Variants in IFITM1 observed in about 807,000 individuals in gnomAD.
IFITM1 encodes the protein interferon induced transmembrane protein 1, also known as interferon-induced transmembrane protein 1.
A neutral mutation model predicts 4.0 loss-of-function variants in IFITM1; 1 was observed. The ratio of observed to expected loss-of-function variants is 0.25; its 90% confidence interval spans 0.09 to 1.18. The LOEUF is 1.18. IFITM1 is among the 50% of genes most tolerant of loss of function. IFITM1 has a pLI of 0.50. For synonymous variants in IFITM1, 79 were observed against 69.7 expected (o/e 1.13, Z -0.67); for missense variants, 131 against 163.2 (o/e 0.80, Z 1.08).
At position 315,035 on chromosome 11, in the gene IFITM1, C is replaced by T; in HGVS notation, c.300C>T (p.Phe100=). ...TGGGCATCCTCATGACCATTGGATTCATCCTGTTACTGGTATTCGGCTCTG... is the reference window on the plus strand; with the variant it reads ...TGGGCATCCTCATGACCATTGGATTTATCCTGTTACTGGTATTCGGCTCTG... ...LILGILMTIG[F]ILLLVFGSVT... Residue 100 remains phenylalanine (F), a synonymous_variant, in exon 2 of 2, where the codon TTC becomes TTT. Transcript: ENST00000408968. The T allele has an allele frequency of 6.2e-7, 1 of 1,614,190 alleles. No individual in the cohort carries two copies. Among genetic ancestry groups the T allele is most frequent in the South Asian group, 1.1e-5 (1 of 91,086 alleles).
chr11:314,244 TCAA>T lies in IFITM1; in HGVS notation c.77_79del (p.Asn26del). 6.2e-7 allele frequency: 1 copy of T among 1,613,942 alleles called. No homozygotes were observed. The highest frequency in any genetic ancestry group is 8.5e-7 in the Non-Finnish European group (1 of 1,179,892). The stretch of plus-strand genomic sequence containing the variant: ...ACCATCCTTCCAAGGTCCACCGTGA[TCAA>T]CATCCACAGCGAGACCTCCGTGCCC... On this transcript the variant is annotated inframe_deletion, in exon 1 of 2. Coordinates refer to ENST00000408968, the MANE Select transcript of IFITM1 (RefSeq NM_003641.5). The surrounding 1 kb of genome is among the most constrained non-coding windows in gnomAD (Gnocchi z 4.5).
chr11:315,139 G>A lies in IFITM1; in HGVS notation c.*26G>A. ...TAGCCGCCCATAGCCTGCAACCTTTGCACTCCACTGTGCAATGCTGGCCCT... is the reference window on the plus strand; with the variant it reads ...TAGCCGCCCATAGCCTGCAACCTTTACACTCCACTGTGCAATGCTGGCCCT... On this transcript the variant is annotated 3_prime_UTR_variant, in exon 2 of 2. Transcript: ENST00000408968. 1.9e-6 allele frequency: 3 copies of A among 1,610,382 alleles called. No individual in the cohort carries two copies. The highest frequency in any genetic ancestry group is 2.5e-6 in the Non-Finnish European group (3 of 1,177,352).
rs9667990 is a variant in IFITM1, at chr11:314,207, C to G, written c.37C>G (p.Pro13Ala). ...KEEHEVAVLG[P>A]PPSTILPRST... ...GGAACATGAGGTGGCTGTGCTGGGG[C>G]CACCCCCCAGCACCATCCTTCCAAG... Residue 13 changes from proline (P) to alanine (A), a missense_variant, in exon 1 of 2, where the codon CCA (proline) becomes GCA (alanine). Transcript: ENST00000408968. This position sits in a 1 kb window ranked among gnomAD's most constrained non-coding sequence, Gnocchi z 4.5. 1,613,886 of 1,613,918 alleles carry G rather than the reference C, an allele frequency of 1. 806,927 individuals carry two copies. Among genetic ancestry groups the G allele is most frequent in the East Asian group, 1 (44,842 of 44,842 alleles).
In IFITM1 at chr11:314,895, G is replaced by A; in HGVS notation, c.187-27G>A. The stretch of plus-strand genomic sequence containing the variant: ...CGCGGCTCTCAGCTGGGGGATCCTG[G>A]TCCCCTCACCATCTCCTCTCCCCCA... On this transcript the variant is annotated intron_variant, in intron 1 of 1. Transcript: ENST00000408968. The surrounding 1 kb of genome is among the most constrained non-coding windows in gnomAD (Gnocchi z 4.5). 6.2e-7 allele frequency: 1 copy of A among 1,609,138 alleles called. No homozygotes were observed. The highest frequency in any genetic ancestry group is 8.5e-7 in the Non-Finnish European group (1 of 1,177,868).
chr11:314,064 C>T lies in IFITM1; in HGVS notation c.-107C>T, dbSNP rs564887157. On this transcript the variant is annotated 5_prime_UTR_variant, in exon 1 of 2. Coordinates refer to ENST00000408968, the MANE Select transcript of IFITM1 (RefSeq NM_003641.5). This position sits in a 1 kb window ranked among gnomAD's most constrained non-coding sequence, Gnocchi z 4.5. Reference sequence around the variant, plus strand: ...TGAAACGACAGGGGAAAGGAGGTCTCACTGAGCACCGTCCCAGCATCCGGA... The same window carrying T: ...TGAAACGACAGGGGAAAGGAGGTCTTACTGAGCACCGTCCCAGCATCCGGA... 50 of 891,024 alleles carry T rather than the reference C, an allele frequency of 5.6e-5. No individual in the cohort carries two copies. In the South Asian group the frequency reaches 6.6e-4, roughly 12 times the overall value. 55.2% of individuals were successfully genotyped at this position (891,024 alleles called of 1,614,324 possible).
Position 314,521 on chromosome 11 carries a change from G to A in IFITM1, c.186+165G>A, listed in dbSNP as rs1449638375. On this transcript the variant is annotated intron_variant, in intron 1 of 1. Transcript: ENST00000408968. The surrounding 1 kb of genome is among the most constrained non-coding windows in gnomAD (Gnocchi z 4.5). ...CAGTAGCTTTGTCTGTGTGATCTGT[G>A]TGTGTGTGTGGCTTTGGGGAATCTG... The A allele has an allele frequency of 1.1e-6, 1 of 903,146 alleles. No individual in the cohort carries two copies. The highest frequency in any genetic ancestry group is 1.8e-6 in the Non-Finnish European group (1 of 549,228). The allele number at this position is 903,146 out of a possible 1,614,324, so 55.9% of individuals were successfully genotyped here. A position where few individuals can be genotyped will look rare whatever the true frequency, so the allele number is the denominator to read the frequency against.
chr11:314,265 C>T lies in IFITM1; in HGVS notation c.95C>T (p.Ser32Phe), dbSNP rs774010868. The T allele has an allele frequency of 5.0e-6, 8 of 1,613,890 alleles. No individual in the cohort carries two copies. The African/African-American group carries it at 5.3e-5, about 11-fold the overall frequency. ...STVINIHSET[S>F]VPDHVVWSLF... ...GTGATCAACATCCACAGCGAGACCT[C>T]CGTGCCCGACCATGTCGTCTGGTCC... Residue 32 changes from serine to phenylalanine, a missense_variant, in exon 1 of 2, where the codon TCC (serine) becomes TTC (phenylalanine). This residue lies in a region of IFITM1 where 77 missense variants were observed against 80.1 expected (regional missense o/e 0.96). Coordinates refer to ENST00000408968, the MANE Select transcript of IFITM1 (RefSeq NM_003641.5). This position sits in a 1 kb window ranked among gnomAD's most constrained non-coding sequence, Gnocchi z 4.5.
Position 314,325 on chromosome 11 carries a change from T to C in IFITM1, c.155T>C (p.Leu52Pro), listed in dbSNP as rs746778915. Residue 52 changes from leucine (L) to proline (P), a missense_variant, in exon 1 of 2, where the codon CTG becomes CCG. By Grantham distance (98) the Leu-to-Pro change is moderately conservative. Around this residue, in one of 3 missense-constraint regions of IFITM1, gnomAD observed 77 missense variants for 80.1 expected, o/e 0.96. Coordinates refer to ENST00000408968, the MANE Select transcript of IFITM1 (RefSeq NM_003641.5). This position sits in a 1 kb window ranked among gnomAD's most constrained non-coding sequence, Gnocchi z 4.5. Reference sequence around the variant, plus strand: ...ACCCTCTTCTTGAACTGGTGCTGTCTGGGCTTCATAGCATTCGCCTACTCC... The same window carrying C: ...ACCCTCTTCTTGAACTGGTGCTGTCCGGGCTTCATAGCATTCGCCTACTCC... ...FNTLFLNWCC[L>P]GFIAFAYSVK... 1 of 1,613,978 alleles carries C rather than the reference T, an allele frequency of 6.2e-7. No individual in the cohort carries two copies. Among genetic ancestry groups the C allele is most frequent in the Non-Finnish European group, 8.5e-7 (1 of 1,179,858 alleles).
chr11:314,948 C>A lies in IFITM1; in HGVS notation c.213C>A (p.Asp71Glu). Residue 71 changes from aspartate (D) to glutamate (E), a missense_variant, in exon 2 of 2, where the codon GAC becomes GAA. By Grantham distance (45) the Asp-to-Glu change is conservative. Transcript: ENST00000408968. The surrounding 1 kb of genome is among the most constrained non-coding windows in gnomAD (Gnocchi z 4.5). Reference sequence around the variant, plus strand: ...CTAGGGACAGGAAGATGGTTGGCGACGTGACCGGGGCCCAGGCCTATGCCT... The same window carrying A: ...CTAGGGACAGGAAGATGGTTGGCGAAGTGACCGGGGCCCAGGCCTATGCCT... ...VKSRDRKMVG[D>E]VTGAQAYAST... 1 of 1,613,536 alleles carries A rather than the reference C, an allele frequency of 6.2e-7. No individual in the cohort carries two copies. The highest frequency in any genetic ancestry group is 8.5e-7 in the Non-Finnish European group (1 of 1,179,984).
Position 314,199 on chromosome 11 carries a change from T to G in IFITM1, c.29T>G (p.Val10Gly), listed in dbSNP as rs986577567. 2 of 1,614,090 alleles carry G rather than the reference T, an allele frequency of 1.2e-6. No individual in the cohort carries two copies. The highest frequency in any genetic ancestry group is 8.5e-7 in the Non-Finnish European group (1 of 1,179,978). Residue 10 changes from valine to glycine, a missense_variant, in exon 1 of 2, where the codon GTG becomes GGG. This residue lies in a region of IFITM1 where 77 missense variants were observed against 80.1 expected (regional missense o/e 0.96). Coordinates refer to ENST00000408968, the MANE Select transcript of IFITM1 (RefSeq NM_003641.5). The surrounding 1 kb of genome is among the most constrained non-coding windows in gnomAD (Gnocchi z 4.5). ...CACAAGGAGGAACATGAGGTGGCTG[T>G]GCTGGGGCCACCCCCCAGCACCATC... MHKEEHEVA[V>G]LGPPPSTILP... is the part of the protein sequence containing the mutation.
At position 315,108 on chromosome 11, in the gene IFITM1, T is replaced by C; in HGVS notation, c.373T>C (p.Tyr125His). 6.2e-7 allele frequency: 1 copy of C among 1,613,982 alleles called. No homozygotes were observed. Among genetic ancestry groups the C allele is most frequent in the Non-Finnish European group, 8.5e-7 (1 of 1,179,900 alleles). ...ACAGATAATACAGGAAAAACGGGGT[T>C]ACTAGTAGCCGCCCATAGCCTGCAA... ...MLQIIQEKRGY is the reference protein window; with the variant it reads ...MLQIIQEKRGH The change falls in exon 2 of 2, where the codon TAC becomes CAC. Residue 125 changes from tyrosine (Y) to histidine (H), a missense_variant. Coordinates refer to ENST00000408968, the MANE Select transcript of IFITM1 (RefSeq NM_003641.5).
Position 314,203 on chromosome 11 carries a change from G to C in IFITM1, c.33G>C (p.Leu11=). 1 of 1,614,032 alleles carries C rather than the reference G, an allele frequency of 6.2e-7. No homozygotes were observed. Among genetic ancestry groups the C allele is most frequent in the Non-Finnish European group, 8.5e-7 (1 of 1,179,962 alleles). Reference sequence around the variant, plus strand: ...AGGAGGAACATGAGGTGGCTGTGCTGGGGCCACCCCCCAGCACCATCCTTC... The same window carrying C: ...AGGAGGAACATGAGGTGGCTGTGCTCGGGCCACCCCCCAGCACCATCCTTC... The part of the protein sequence containing the change: MHKEEHEVAV[L]GPPPSTILPR... The change falls in exon 1 of 2, where the codon CTG becomes CTC. Residue 11 remains leucine (L), a synonymous_variant. Coordinates refer to ENST00000408968, the MANE Select transcript of IFITM1 (RefSeq NM_003641.5). The surrounding 1 kb of genome is among the most constrained non-coding windows in gnomAD (Gnocchi z 4.5).
chr11:314,443 G>T lies in IFITM1; in HGVS notation c.186+87G>T. The T allele has an allele frequency of 6.8e-7, 1 of 1,460,420 alleles. No individual in the cohort carries two copies. The highest frequency in any genetic ancestry group is 1.2e-5 in the South Asian group (1 of 85,052). The allele number at this position is 1,460,420 out of a possible 1,614,324, so 90.5% of individuals were successfully genotyped here. ...CATGCTGCCTGGGGTGGGGACTTGTGTGTCCCTGTGACTGTGAGTTTGTGT... is the reference window on the plus strand; with the variant it reads ...CATGCTGCCTGGGGTGGGGACTTGTTTGTCCCTGTGACTGTGAGTTTGTGT... On this transcript the variant is annotated intron_variant, in intron 1 of 1. Transcript: ENST00000408968. This position sits in a 1 kb window ranked among gnomAD's most constrained non-coding sequence, Gnocchi z 4.5.
rs1277641791 is a variant in IFITM1, at chr11:314,367, C to T, written c.186+11C>T. ...GCCTACTCCGTGAAGGTGCGTATGG[C>T]CCTGGCGGAAATCCAGGGGGTGCCG... On this transcript the variant is annotated intron_variant, in intron 1 of 1. Transcript: ENST00000408968. This position sits in a 1 kb window ranked among gnomAD's most constrained non-coding sequence, Gnocchi z 4.5. 3 of 1,613,516 alleles carry T rather than the reference C, an allele frequency of 1.9e-6. No individual in the cohort carries two copies. The highest frequency in any genetic ancestry group is 2.5e-6 in the Non-Finnish European group (3 of 1,179,504).
Position 314,910 on chromosome 11 carries a change from C to T in IFITM1, c.187-12C>T, listed in dbSNP as rs1456146151. The T allele has an allele frequency of 6.2e-7, 1 of 1,611,466 alleles. No homozygotes were observed. Among genetic ancestry groups the T allele is most frequent in the South Asian group, 1.1e-5 (1 of 90,934 alleles). Reference sequence around the variant, plus strand: ...GGGGATCCTGGTCCCCTCACCATCTCCTCTCCCCCAGTCTAGGGACAGGAA... The same window carrying T: ...GGGGATCCTGGTCCCCTCACCATCTTCTCTCCCCCAGTCTAGGGACAGGAA... On this transcript the variant is annotated splice_polypyrimidine_tract_variant and intron_variant, in intron 1 of 1. Transcript: ENST00000408968. This position sits in a 1 kb window ranked among gnomAD's most constrained non-coding sequence, Gnocchi z 4.5.
Position 314,941 on chromosome 11 carries a change from T to C in IFITM1, c.206T>C (p.Val69Ala). Residue 69 changes from valine (V) to alanine (A), a missense_variant, in exon 2 of 2, where the codon GTT becomes GCT. Physicochemically the swap from Val to Ala is moderately conservative, Grantham distance 64. Around this residue, in one of 3 missense-constraint regions of IFITM1, gnomAD observed 19 missense variants for 53.0 expected, o/e 0.36. Coordinates refer to ENST00000408968, the MANE Select transcript of IFITM1 (RefSeq NM_003641.5). This position sits in a 1 kb window ranked among gnomAD's most constrained non-coding sequence, Gnocchi z 4.5. The stretch of plus-strand genomic sequence containing the variant: ...CCCCAGTCTAGGGACAGGAAGATGG[T>C]TGGCGACGTGACCGGGGCCCAGGCC... Reference protein sequence around the residue: ...YSVKSRDRKMVGDVTGAQAYA... With the variant: ...YSVKSRDRKMAGDVTGAQAYA... The C allele has an allele frequency of 1.2e-6, 2 of 1,613,318 alleles. No homozygotes were observed. Among genetic ancestry groups the C allele is most frequent in the Non-Finnish European group, 1.7e-6 (2 of 1,179,976 alleles).
In IFITM1 at chr11:314,210, C is replaced by T. The variant is rs1189892980; in HGVS notation, c.40C>T (p.Pro14Ser). 5.0e-6 allele frequency: 8 copies of T among 1,594,786 alleles called. No individual in the cohort carries two copies. The highest frequency in any genetic ancestry group is 2.2e-5 in the East Asian group (1 of 44,590). The change falls in exon 1 of 2, where the codon CCC becomes TCC. Residue 14 changes from proline (P) to serine (S), a missense_variant. This residue lies in a region of IFITM1 where 77 missense variants were observed against 80.1 expected (regional missense o/e 0.96). Coordinates refer to ENST00000408968, the MANE Select transcript of IFITM1 (RefSeq NM_003641.5). This position sits in a 1 kb window ranked among gnomAD's most constrained non-coding sequence, Gnocchi z 4.5. ...ACATGAGGTGGCTGTGCTGGGGCCA[C>T]CCCCCAGCACCATCCTTCCAAGGTC... ...EEHEVAVLGP[P>S]PSTILPRSTV...
rs1004019637 is a variant in IFITM1, at chr11:314,074, C to T, written c.-97C>T. The T allele has an allele frequency of 2.8e-5, 29 of 1,026,958 alleles. No homozygotes were observed. The highest frequency in any genetic ancestry group is 1.3e-4 in the Admixed American group (7 of 52,392). 63.6% of individuals were successfully genotyped at this position (1,026,958 alleles called of 1,614,324 possible). A position where few individuals can be genotyped will look rare whatever the true frequency, so the allele number is the denominator to read the frequency against. Reference sequence around the variant, plus strand: ...GGGGAAAGGAGGTCTCACTGAGCACCGTCCCAGCATCCGGACACCACAGCG... The same window carrying T: ...GGGGAAAGGAGGTCTCACTGAGCACTGTCCCAGCATCCGGACACCACAGCG... On this transcript the variant is annotated 5_prime_UTR_variant, in exon 1 of 2. Transcript: ENST00000408968. The surrounding 1 kb of genome is among the most constrained non-coding windows in gnomAD (Gnocchi z 4.5).
chr11:315,208 G>C lies in IFITM1; in HGVS notation c.*95G>C. On this transcript the variant is annotated 3_prime_UTR_variant, in exon 2 of 2. Coordinates refer to ENST00000408968, the MANE Select transcript of IFITM1 (RefSeq NM_003641.5). ...CCCTGCCCCCTTGGTCCTGCCCCTA[G>C]ATACAGCAGTTTATACCCACACACC... is the stretch of plus-strand genomic sequence containing the variant. 1 of 1,196,594 alleles carries C rather than the reference G, an allele frequency of 8.4e-7. No individual in the cohort carries two copies. Among genetic ancestry groups the C allele is most frequent in the Non-Finnish European group, 1.2e-6 (1 of 824,230 alleles). The allele number at this position is 1,196,594 out of a possible 1,614,324, so 74.1% of individuals were successfully genotyped here.
Sources: gnomAD v4.1 joint callset for allele counts on GRCh38, gnomAD v4.1.1 for gene constraint, gnomAD v4.1.1 regional missense constraint, Gnocchi (gnomAD v3.1) non-coding constraint, MANE v1.5 for transcripts, NCBI Gene and HGNC (gene_info 2026-07-23, HGNC 2026-07-21) for gene names.